The following ERBB2 variants were observed in gnomAD, a reference collection of about 807,000 sequenced individuals.
ERBB2 encodes erb-b2 receptor tyrosine kinase 2.
ERBB2 carries 61 observed loss-of-function variants against 149.0 expected under a neutral mutation model. That is an observed-to-expected ratio of 0.41 (90% CI 0.33 to 0.51). The LOEUF (loss-of-function observed/expected upper bound fraction) is 0.51. Ranked by LOEUF, ERBB2 falls within the 20% of genes least tolerant of loss-of-function variation. ERBB2 has a pLI of 0.25. For synonymous variants in ERBB2, 633 were observed against 678.8 expected (o/e 0.93, Z 1.05); for missense variants, 1,205 against 1,655.1 (o/e 0.73, Z 4.72).
intron 1 of ERBB2, among the ~76,000 whole-genome samples, chr17:39,706,111 C>G (rs927088473): frequency 6.6e-6 from 1 of 152,204 alleles, no homozygotes; most frequent in Non-Finnish European, 1.5e-5. Context: ...CTCAGGGATA[C>G]CAGGCTGGGG....
In ERBB2 at chr17:39,710,357, C is replaced by T. The variant is rs775666242; in HGVS notation, c.777C>T (p.Asn259=). ...HSDCLACLHF[N]HSGICELHCP... ...CCCCCCAGGCCTGCCTCCACTTCAA[C>T]CACAGTGGCATCTGTGAGCTGCACT... is the stretch of plus-strand genomic sequence containing the variant. The change falls in exon 7 of 27, where the codon AAC becomes AAT. Residue 259 remains asparagine (N), a synonymous_variant. Transcript: ENST00000269571. The T allele has an allele frequency of 6.8e-6, 11 of 1,614,198 alleles. No individual in the cohort carries two copies. The Admixed American group carries it at 1.8e-4, about 27-fold the overall frequency.
Position 39,726,839 on chromosome 17 carries a change from CCCTTGGACAGCA to C in ERBB2, c.3000_3011del (p.Leu1000_Thr1003del). On this transcript the variant is annotated inframe_deletion, in exon 25 of 27. Coordinates refer to ENST00000269571, the MANE Select transcript of ERBB2 (RefSeq NM_004448.4). The surrounding 1 kb of genome is among the most constrained non-coding windows in gnomAD (Gnocchi z 5.1). ...GAATGAGGACTTGGGCCCAGCCAGT[CCCTTGGACAGCA>C]CCTTCTACCGCTCACTGCTGGAGGA... The C allele has an allele frequency of 6.2e-7, 1 of 1,612,936 alleles. No homozygotes were observed. Among genetic ancestry groups the C allele is most frequent in the Non-Finnish European group, 8.5e-7 (1 of 1,179,324 alleles).
At position 39,723,883 on chromosome 17, in the gene ERBB2, C is replaced by T. The variant is rs2145823532; in HGVS notation, c.2209-29C>T. The T allele has an allele frequency of 6.3e-7, 1 of 1,584,944 alleles. No individual in the cohort carries two copies. On this transcript the variant is annotated intron_variant, in intron 18 of 26. Transcript: ENST00000269571. This position sits in a 1 kb window ranked among gnomAD's most constrained non-coding sequence, Gnocchi z 6.2. ...CAGGTAGGATCCAGCCCACGCTCTT[C>T]TCACTCATATCCTCCTCTTTCTGCC...
At chr17:39,692,404 A>G (rs1477882660), upstream of ERBB2, among the ~76,000 whole-genome samples, 1 of 149,416 alleles carries the variant, frequency 6.7e-6, no homozygotes, top group South Asian at 2.1e-4. Flanking sequence ...AGTAAGGAAC[A>G]CTTTTTTTTT....
rs765424712 is a variant in ERBB2, at chr17:39,710,159, G to A, written c.717G>A (p.Gln239=). The change falls in exon 6 of 27, where the codon CAG becomes CAA. Residue 239 remains glutamine, a synonymous_variant. Coordinates refer to ENST00000269571, the MANE Select transcript of ERBB2 (RefSeq NM_004448.4). ...TGCCCACTGACTGCTGCCATGAGCA[G>A]TGTGCTGCCGGCTGCACGGGCCCCA... ...GPLPTDCCHE[Q]CAAGCTGPKH... is the part of the protein sequence containing the mutation. 17 of 1,612,570 alleles carry A rather than the reference G, an allele frequency of 1.1e-5. No individual in the cohort carries two copies. The East Asian group carries it at 3.6e-4, about 34-fold the overall frequency.
intron 12 of ERBB2, 78 bp from the exon 13 acceptor site, chr17:39,716,223 C>A (rs2145669495): frequency 6.8e-7 from 1 of 1,470,264 alleles, no homozygotes; most frequent in Non-Finnish European, 9.1e-7. Flanking sequence ...ACAGCCATGC[C>A]CACAGCCAGT....
chr17:39,716,693 G>C (rs2059151247), intron 14 of ERBB2, 88 bp downstream of exon 14: 2 of 1,173,092 alleles, frequency 1.7e-6, no homozygotes, highest in Non-Finnish European at 2.5e-6. Context: ...ATGCAGTAGG[G>C]TGTGCTATCT....
At chr17:39,702,407 G>C (rs1296866141) in intron 1 of ERBB2, among the ~76,000 whole-genome samples, 1 of 152,188 alleles carries the variant, frequency 6.6e-6, no homozygotes, top group Non-Finnish European at 1.5e-5. Context: ...AGCCCCAGAG[G>C]GGTCAGGATT....
Position 39,727,782 on chromosome 17 carries a change from G to A in ERBB2, c.3506G>A (p.Arg1169Lys). The change falls in exon 27 of 27, where the codon AGG becomes AAG. Residue 1169 changes from arginine (R) to lysine (K), a missense_variant. Physicochemically the swap from Arg to Lys is conservative, Grantham distance 26 (BLOSUM62 2). Transcript: ENST00000269571. The surrounding 1 kb of genome is among the most constrained non-coding windows in gnomAD (Gnocchi z 4.3). ...AARPAGATLE[R>K]PKTLSPGKNG... ...CGACCTGCTGGTGCCACTCTGGAAA[G>A]GCCCAAGACTCTCTCCCCAGGGAAG... 2 of 1,611,806 alleles carry A rather than the reference G, an allele frequency of 1.2e-6. No homozygotes were observed. The highest frequency in any genetic ancestry group is 1.7e-6 in the Non-Finnish European group (2 of 1,178,302).
chr17:39,707,274 C>A, intron 2 of ERBB2, 133 bp downstream of exon 2: 3 of 742,284 alleles, frequency 4.0e-6, no homozygotes, highest in South Asian at 4.8e-5. Flanking sequence ...CCAGGAAGTC[C>A]TTTCTAACAT....
At chr17:39,717,617 T>C in intron 15 of ERBB2, 137 bp downstream of exon 15, 3 of 682,146 alleles carry the variant, frequency 4.4e-6, no homozygotes, top group East Asian at 5.7e-5. Context: ...ATTGTTAAAA[T>C]TGTAAAATTA....
intron 16 of ERBB2, among the ~76,000 whole-genome samples, chr17:39,721,590 G>A (rs2059457049): frequency 6.6e-6 from 1 of 152,172 alleles, no homozygotes; most frequent in Non-Finnish European, 1.5e-5. Flanking sequence ...AGTCTTAAAA[G>A]ATGACCCTGT....
chr17:39,718,740 A>T (rs2059288982), intron 15 of ERBB2, among the ~76,000 whole-genome samples: 1 of 148,554 alleles, frequency 6.7e-6, no homozygotes, highest in South Asian at 2.1e-4. Context: ...TACCACCTTT[A>T]TTTTTTTTTT....
intron 9 of ERBB2, among the ~76,000 whole-genome samples, chr17:39,713,653 T>G (rs2058945519): frequency 6.6e-6 from 1 of 151,372 alleles, no homozygotes; most frequent in Non-Finnish European, 1.5e-5. Flanking sequence ...CTTGGGAGGC[T>G]GAGGCAGGAG....
chr17:39,716,087 C>A, intron 12 of ERBB2, 148 bp downstream of exon 12: 1 of 1,027,042 alleles, frequency 9.7e-7, no homozygotes, highest in Non-Finnish European at 1.4e-6. Flanking sequence ...CTGGCTTGGC[C>A]TCTTGGCATG....
Position 39,724,272 on chromosome 17 carries a change from A to ATTTTTTTTTTTTTTTTTTTTTTTTTTTTT in ERBB2, c.2307+278_2307+279insTTTTTTTTTTTTTTTTTTTTTTTTTTTTT, listed in dbSNP as rs71149796. Among the ~76,000 whole-genome samples, 26 of 76,992 alleles carry ATTTTTTTTTTTTTTTTTTTTTTTTTTTTT rather than the reference A, an allele frequency of 3.4e-4. 6 individuals are homozygous for ATTTTTTTTTTTTTTTTTTTTTTTTTTTTT. The highest frequency in any genetic ancestry group is 4.0e-4 in the Non-Finnish European group (15 of 37,230). 50.5% of individuals were successfully genotyped at this position (76,992 alleles called of 152,430 possible). A position where few individuals can be genotyped will look rare whatever the true frequency, so the allele number is the denominator to read the frequency against. On this transcript the variant is annotated intron_variant, in intron 19 of 26. Coordinates refer to ENST00000269571, the MANE Select transcript of ERBB2 (RefSeq NM_004448.4). Reference sequence around the variant, plus strand: ...TAGCTGGGATTACAAGCGCCCGCTAATTTTTTTTTTTTTTTTGAGACAGAG... The same window carrying ATTTTTTTTTTTTTTTTTTTTTTTTTTTTT: ...TAGCTGGGATTACAAGCGCCCGCTAATTTTTTTTTTTTTTTTTTTTTTTTTTTTTTTTTTTTTTTTTTTTTGAGACAGAG...
chr17:39,712,350 G>C lies in ERBB2; in HGVS notation c.1050G>C (p.Leu350Phe), dbSNP rs559242250. The C allele has an allele frequency of 1.2e-6, 2 of 1,600,200 alleles. No homozygotes were observed. Among genetic ancestry groups the C allele is most frequent in the South Asian group, 2.2e-5 (2 of 90,840 alleles). The change falls in exon 9 of 27, where the codon TTG becomes TTC. Residue 350 changes from leucine to phenylalanine, a missense_variant. Leu to Phe is a conservative substitution (Grantham distance 22, BLOSUM62 0). Transcript: ENST00000269571. ...RVCYGLGMEH[L>F]REVRAVTSAN... ...GCTATGGTCTGGGCATGGAGCACTT[G>C]CGAGAGGTGAGGGCAGTTACCAGTG...
chr17:39,694,265 ATATG>A (rs1184712771), upstream of ERBB2, among the ~76,000 whole-genome samples: 82 of 26,276 alleles, frequency 3.1e-3, 1 homozygote, highest in African/African-American at 8.8e-3. Context: ...ATATATATAT[ATATG>A]TGTGTATATA....
chr17:39,726,761 G>T lies in ERBB2; in HGVS notation c.2971-54G>T. The stretch of plus-strand genomic sequence containing the variant: ...CCAGTATGCCAGGCCCCTCACGGAA[G>T]GCTGCATGCTGGGCTGGGGAGGGGC... On this transcript the variant is annotated intron_variant, in intron 24 of 26. Transcript: ENST00000269571. The surrounding 1 kb of genome is among the most constrained non-coding windows in gnomAD (Gnocchi z 5.1). 2.5e-6 allele frequency: 4 copies of T among 1,594,388 alleles called. No homozygotes were observed. Among genetic ancestry groups the T allele is most frequent in the Non-Finnish European group, 3.4e-6 (4 of 1,162,416 alleles).
Sources: gnomAD v4.1 joint callset for allele counts (sites outside exome capture counted in the v4.1 genomes callset) on GRCh38, gnomAD v4.1.1 for gene constraint, Gnocchi (gnomAD v3.1) non-coding constraint, MANE v1.5 for transcripts, NCBI Gene and HGNC (gene_info 2026-07-23, HGNC 2026-07-21) for gene names.